The following HSF2BP variants were observed in gnomAD, a reference collection of about 807,000 sequenced individuals.
The protein encoded by HSF2BP is heat shock factor 2-binding protein.
Under a neutral mutation model 35.0 loss-of-function variants are expected in HSF2BP, and 35 were observed. That is an observed-to-expected ratio of 1.00 (90% CI 0.76 to 1.32). The LOEUF (loss-of-function observed/expected upper bound fraction) is 1.32. Among genes scored for constraint, HSF2BP ranks in the 40% most tolerant of loss-of-function variants. The pLI is 0.00. For synonymous variants in HSF2BP, 114 were observed against 117.4 expected (o/e 0.97, Z 0.18); for missense variants, 326 against 321.7 (o/e 1.01, Z -0.10).
At chr21:43,581,864 G>GGAGATGA (rs1295161831) in intron 8 of HSF2BP, among the ~76,000 whole-genome samples, 135 of 138,184 alleles carry the variant, frequency 9.8e-4, no homozygotes, top group African/African-American at 3.0e-3. Flanking sequence ...GCCTGCTGAG[G>GGAGATGA]GGCCCTGCTG....
intron 3 of HSF2BP, among the ~76,000 whole-genome samples, chr21:43,653,165 G>C (rs1204315676): frequency 7.4e-6 from 1 of 135,682 alleles, no homozygotes; most frequent in Non-Finnish European, 1.6e-5. Context: ...GAGACACAGA[G>C]AGAGAGAGAG....
In HSF2BP at chr21:43,658,246, C is replaced by T; in HGVS notation, c.-150G>A. ...CCAGAATTTGCGCAGTATTCTCGGCCTAGAGAGCGAGGAGTGGCCTTGGCG... is the reference window on the plus strand; with the variant it reads ...CCAGAATTTGCGCAGTATTCTCGGCTTAGAGAGCGAGGAGTGGCCTTGGCG... On this transcript the variant is annotated 5_prime_UTR_variant, in exon 2 of 9. Coordinates refer to ENST00000291560, the MANE Select transcript of HSF2BP (RefSeq NM_007031.2). The T allele has an allele frequency of 2.1e-6, 2 of 932,668 alleles. No individual in the cohort carries two copies. The highest frequency in any genetic ancestry group is 1.8e-5 in the South Asian group (1 of 55,994). 57.8% of individuals were successfully genotyped at this position (932,668 alleles called of 1,614,324 possible).
At chr21:43,657,073 G>A (rs1249534057) in intron 2 of HSF2BP, among the ~76,000 whole-genome samples, 1 of 152,118 alleles carries the variant, frequency 6.6e-6, no homozygotes, top group Non-Finnish European at 1.5e-5. Flanking sequence ...ACAAAAATAT[G>A]AAAACGTGCC....
chr21:43,657,996 G>A (rs919846952), intron 2 of HSF2BP, 65 bp downstream of exon 2: 4 of 1,532,842 alleles, frequency 2.6e-6, no homozygotes, highest in Non-Finnish European at 2.6e-6. Context: ...ACGGGGCGAG[G>A]CCCTGAGGGG....
chr21:43,505,400 C>T, the HSF2BP span, among the ~76,000 whole-genome samples: 2 of 112,036 alleles, frequency 1.8e-5, no homozygotes, highest in Non-Finnish European at 3.8e-5. Flanking sequence ...CTGGTGCTGT[C>T]GCTGTGGCCT....
At chr21:43,592,351 G>A (rs759016667) in intron 7 of HSF2BP, 23 bp from the exon 8 acceptor site, 7 of 1,490,990 alleles carry the variant, frequency 4.7e-6, no homozygotes, top group African/African-American at 1.4e-5. Flanking sequence ...AGAAAAAGGT[G>A]TTGGAATGCT....
At chr21:43,657,171 G>A (rs2082882083) in intron 2 of HSF2BP, among the ~76,000 whole-genome samples, 1 of 152,192 alleles carries the variant, frequency 6.6e-6, no homozygotes, top group Non-Finnish European at 1.5e-5. Context: ...AGGAGTTCAA[G>A]ACCAGCCTGA....
rs1291134495 is a variant in HSF2BP at position 43,610,978 on chromosome 21, G to A, written c.692+2852C>T. 2.0e-5 allele frequency among the ~76,000 whole-genome samples: 3 copies of A among 152,158 alleles called. No homozygotes were observed. The East Asian group carries it at 5.8e-4, about 29-fold the overall frequency. ...CTCCTTTGATGCAAGGTACTTAAAA[G>A]GAATGAACTAGATCCACAAGCAATT... On this transcript the variant is annotated intron_variant, in intron 7 of 8. Transcript: ENST00000291560.
chr21:43,645,751 C>T (rs1397041594), intron 3 of HSF2BP, among the ~76,000 whole-genome samples: 1 of 152,190 alleles, frequency 6.6e-6, no homozygotes, highest in Non-Finnish European at 1.5e-5. Context: ...ACTTCCTCAA[C>T]TATCTGCAAA....
intron 8 of HSF2BP, among the ~76,000 whole-genome samples, chr21:43,572,770 A>G (rs1014278730): frequency 6.6e-6 from 1 of 152,238 alleles, no homozygotes; most frequent in Non-Finnish European, 1.5e-5. Flanking sequence ...TCTGAAACAC[A>G]CACACATTTT....
intron 6 of HSF2BP, among the ~76,000 whole-genome samples, chr21:43,624,887 T>C (rs2082371219): frequency 6.6e-6 from 1 of 152,140 alleles, no homozygotes; most frequent in African/African-American, 2.4e-5. Flanking sequence ...AACAATCACA[T>C]TGATATCAAT....
chr21:43,609,332 A>G (rs990222315), intron 7 of HSF2BP, among the ~76,000 whole-genome samples: 2 of 152,200 alleles, frequency 1.3e-5, no homozygotes, highest in Non-Finnish European at 2.9e-5. Context: ...ATTGGGTACT[A>G]TATCTACTAT....
rs140803211 is a variant in HSF2BP at position 43,656,506 on chromosome 21, C to A, written c.187+81G>T. 13 of 1,331,282 alleles carry A rather than the reference C, an allele frequency of 9.8e-6. No individual in the cohort carries two copies. In the East Asian group the frequency reaches 3.0e-4, roughly 31 times the overall value. The allele number at this position is 1,331,282 out of a possible 1,614,324, so 82.5% of individuals were successfully genotyped here. A position where few individuals can be genotyped will look rare whatever the true frequency, so the allele number is the denominator to read the frequency against. On this transcript the variant is annotated intron_variant, in intron 3 of 8. Coordinates refer to ENST00000291560, the MANE Select transcript of HSF2BP (RefSeq NM_007031.2). ...AGGACTGTAAGAGTACCTTAAAATTCGTTTACAATTATTTACCTAGGGTAA... is the reference window on the plus strand; with the variant it reads ...AGGACTGTAAGAGTACCTTAAAATTAGTTTACAATTATTTACCTAGGGTAA...
chr21:43,658,283 T>A lies in HSF2BP; in HGVS notation c.-187A>T, dbSNP rs2082909070. The A allele has an allele frequency of 1.6e-6, 1 of 622,450 alleles. No individual in the cohort carries two copies. Among genetic ancestry groups the A allele is most frequent in the South Asian group, 2.1e-5 (1 of 47,892 alleles). The allele number at this position is 622,450 out of a possible 1,614,324, so 38.6% of individuals were successfully genotyped here. On this transcript the variant is annotated 5_prime_UTR_variant, in exon 2 of 9. Transcript: ENST00000291560. The stretch of plus-strand genomic sequence containing the variant: ...GAGTGGCCTTGGCGAGGTCCCTCTT[T>A]GGCTCTTCTGGCTTAGCCGGGGTTT...
chr21:43,632,849 T>C (rs1474311806), intron 5 of HSF2BP, among the ~76,000 whole-genome samples: 1 of 151,872 alleles, frequency 6.6e-6, no homozygotes, highest in African/African-American at 2.4e-5. Flanking sequence ...CCAACCTCCA[T>C]GTTGCTCAAG....
At chr21:43,639,861 T>C (rs577299339) in intron 4 of HSF2BP, among the ~76,000 whole-genome samples, 87 of 151,592 alleles carry the variant, frequency 5.7e-4, no homozygotes, top group Non-Finnish European at 1.0e-3. Flanking sequence ...TTATCAGTAA[T>C]AGAAAAAAAA....
At chr21:43,573,010 G>A (rs932438852) in intron 8 of HSF2BP, among the ~76,000 whole-genome samples, 3 of 152,178 alleles carry the variant, frequency 2.0e-5, no homozygotes, top group Admixed American at 2.0e-4. Flanking sequence ...CAACACTAGC[G>A]GTGCACCTGG....
chr21:43,649,242 GTTTTT>G (rs201486961), intron 3 of HSF2BP, among the ~76,000 whole-genome samples: 2 of 151,202 alleles, frequency 1.3e-5, no homozygotes, highest in African/African-American at 4.9e-5. Context: ...TCAGTTTGGG[GTTTTT>G]TTTATTTTTT....
At chr21:43,654,054 T>C (rs2082833132) in intron 3 of HSF2BP, among the ~76,000 whole-genome samples, 1 of 150,372 alleles carries the variant, frequency 6.7e-6, no homozygotes, top group Non-Finnish European at 1.5e-5. Flanking sequence ...AGCAAAAGTC[T>C]GTCCTGACTT....
Sources: allele counts gnomAD v4.1 joint callset (sites outside exome capture counted in the v4.1 genomes callset), GRCh38; gene constraint gnomAD v4.1.1; transcripts MANE v1.5; gene names NCBI Gene and HGNC (gene_info 2026-07-23, HGNC 2026-07-21).